The following PCDH9 variants were observed in gnomAD, a reference collection of about 807,000 sequenced individuals.
PCDH9 encodes the protein protocadherin 9.
A neutral mutation model predicts 70.6 loss-of-function variants in PCDH9; 24 were observed. The observed-to-expected ratio is 0.34, with a 90% CI of 0.25 to 0.48. PCDH9 has a LOEUF of 0.48. Among genes scored for constraint, PCDH9 ranks in the 20% least tolerant of loss-of-function variants. The pLI is 0.99. For synonymous variants in PCDH9, 562 were observed against 558.5 expected, an observed-to-expected ratio of 1.01 and a Z score of -0.09; for missense variants, 1,281 against 1,503.6, an observed-to-expected ratio of 0.85 and a Z score of 2.45.
At chr13:66,455,330 T>C (rs1958297621) in intron 4 of PCDH9, among the ~76,000 whole-genome samples, 1 of 151,762 alleles carries the variant, frequency 6.6e-6, no homozygotes, top group Non-Finnish European at 1.5e-5. Flanking sequence ...TTGAACACAT[T>C]CTTCTTCTCC....
intron 3 of PCDH9, among the ~76,000 whole-genome samples, chr13:66,831,901 G>GA (rs1311181098): frequency 6.6e-6 from 1 of 151,892 alleles, no homozygotes; most frequent in African/African-American, 2.4e-5. Context: ...AAAAACTGTG[G>GA]AAAAAAAAGT....
At chr13:66,392,318 G>C (rs1450832034) in intron 4 of PCDH9, among the ~76,000 whole-genome samples, 2 of 152,034 alleles carry the variant, frequency 1.3e-5, no homozygotes, top group African/African-American at 4.8e-5. Flanking sequence ...GTAGTAATTA[G>C]AGAAAAGGTT....
chr13:67,050,247 T>C (rs959666946), intron 2 of PCDH9, among the ~76,000 whole-genome samples: 1 of 152,240 alleles, frequency 6.6e-6, no homozygotes, highest in Admixed American at 6.5e-5. Context: ...TTAAATATGT[T>C]TAAGCACTTC....
At chr13:66,474,569 A>G (rs1036010838) in intron 4 of PCDH9, among the ~76,000 whole-genome samples, 3 of 152,152 alleles carry the variant, frequency 2.0e-5, no homozygotes, top group Non-Finnish European at 4.4e-5. Flanking sequence ...AAACTATTAT[A>G]TGAAATATAT....
At chr13:66,853,130 C>A (rs2081340565) in intron 3 of PCDH9, among the ~76,000 whole-genome samples, 1 of 150,528 alleles carries the variant, frequency 6.6e-6, no homozygotes, top group African/African-American at 2.4e-5. Flanking sequence ...CAGTATAGTA[C>A]AGAAATAGTC....
intron 2 of PCDH9, among the ~76,000 whole-genome samples, chr13:66,957,475 T>C (rs530553456): frequency 6.6e-6 from 1 of 152,158 alleles, no homozygotes. Flanking sequence ...AAACAGGTTC[T>C]CTCCTAAAGA....
At chr13:66,780,910 A>T (rs1329187862) in intron 3 of PCDH9, among the ~76,000 whole-genome samples, 1 of 152,148 alleles carries the variant, frequency 6.6e-6, no homozygotes, top group African/African-American at 2.4e-5. Context: ...TGTTTAGAAG[A>T]CCAATAACAA....
chr13:66,684,813 T>G (rs1487276499), intron 3 of PCDH9, among the ~76,000 whole-genome samples: 1 of 152,106 alleles, frequency 6.6e-6, no homozygotes, highest in Non-Finnish European at 1.5e-5. Flanking sequence ...GAAAGTGATT[T>G]TGGAACTGGG....
intron 3 of PCDH9, among the ~76,000 whole-genome samples, chr13:66,894,884 T>C (rs942269311): frequency 2.6e-5 from 4 of 152,130 alleles, no homozygotes; most frequent in African/African-American, 7.2e-5. Flanking sequence ...CTCAGCTTAC[T>C]GCAACCTCCG....
chr13:66,502,414 G>T (rs555747128), intron 4 of PCDH9, among the ~76,000 whole-genome samples: 4 of 152,118 alleles, frequency 2.6e-5, no homozygotes, highest in African/African-American at 9.6e-5. Context: ...TCTACCTTTT[G>T]TGATCAAAAT....
intron 2 of PCDH9, among the ~76,000 whole-genome samples, chr13:66,962,069 C>CA (rs200736545): frequency 2.0e-3 from 269 of 131,880 alleles, no homozygotes; most frequent in African/African-American, 4.5e-3. Context: ...AAAAACAAAA[C>CA]AAAAAAAAAA....
intron 2 of PCDH9, among the ~76,000 whole-genome samples, chr13:67,032,547 AT>A (rs916117812): frequency 2.6e-5 from 4 of 152,162 alleles, no homozygotes; most frequent in African/African-American, 7.2e-5. Flanking sequence ...TTATGTAAAA[AT>A]TCTTATGGAT....
At chr13:66,998,637 C>G (rs953095583) in intron 2 of PCDH9, among the ~76,000 whole-genome samples, 1 of 152,196 alleles carries the variant, frequency 6.6e-6, no homozygotes, top group African/African-American at 2.4e-5. Flanking sequence ...ATTCAGGCAT[C>G]GTTGACTTCT....
intron 2 of PCDH9, among the ~76,000 whole-genome samples, chr13:67,024,399 T>G (rs1205815571): frequency 2.0e-5 from 3 of 152,280 alleles, no homozygotes; most frequent in African/African-American, 7.2e-5. Context: ...GTACTGGAGT[T>G]GTTAATACCT....
Position 66,803,103 on chromosome 13 carries a change from TG to T in PCDH9, c.3138+100400del, listed in dbSNP as rs2080352290. Among the ~76,000 whole-genome samples, 3 of 133,162 alleles carry T rather than the reference TG, an allele frequency of 2.3e-5. No homozygotes were observed. The South Asian group carries it at 7.6e-4, about 34-fold the overall frequency. 87.4% of individuals were successfully genotyped at this position (133,162 alleles called of 152,430 possible). A position where few individuals can be genotyped will look rare whatever the true frequency, so the allele number is the denominator to read the frequency against. On this transcript the variant is annotated intron_variant, in intron 3 of 4. Transcript: ENST00000377865. ...GTGTCAAGGTTGAATTTCATTCCTA[TG>T]AAAAAAAAATTGGTGTAATTAATTA...
chr13:67,169,992 T>A (rs1404685827), intron 2 of PCDH9, among the ~76,000 whole-genome samples: 13 of 152,196 alleles, frequency 8.5e-5, no homozygotes, highest in Non-Finnish European at 1.9e-4. Flanking sequence ...CCGATTATAA[T>A]CCTGCTTCTC....
At chr13:66,802,362 A>G (rs979061550) in intron 3 of PCDH9, among the ~76,000 whole-genome samples, 4 of 152,122 alleles carry the variant, frequency 2.6e-5, no homozygotes, top group Non-Finnish European at 5.9e-5. Context: ...AGTTAAAAGA[A>G]TGAACAATTT....
chr13:66,737,969 A>G lies in PCDH9; in HGVS notation c.3139-106558T>C, dbSNP rs1012241385. Among the ~76,000 whole-genome samples, 1,278 of 152,248 alleles carry G rather than the reference A, an allele frequency of 8.4e-3. 14 individuals carry two copies. Among genetic ancestry groups the G allele is most frequent in the African/African-American group, 0.029 (1,195 of 41,568 alleles). On this transcript the variant is annotated intron_variant, in intron 3 of 4. Transcript: ENST00000377865. ...TGCTTAGGTAAACAAAGCAGCCAGG[A>G]AGCTCGAACTGGGTGGAGCCCACCA...
intron 3 of PCDH9, among the ~76,000 whole-genome samples, chr13:66,874,615 C>A (rs1385037217): frequency 6.6e-6 from 1 of 151,944 alleles, no homozygotes; most frequent in Non-Finnish European, 1.5e-5. Flanking sequence ...AATTATATTA[C>A]AAAACTAAGA....
Sources: allele counts gnomAD v4.1 joint callset (sites outside exome capture counted in the v4.1 genomes callset), GRCh38; gene constraint gnomAD v4.1.1; transcripts MANE v1.5; gene names NCBI Gene and HGNC (gene_info 2026-07-23, HGNC 2026-07-21).